RPL18: variants seen among roughly 807,000 people sequenced by gnomAD.
The protein encoded by RPL18 is ribosomal protein L18, also known as large ribosomal subunit protein eL18.
In RPL18, 4 loss-of-function variants were observed where a neutral mutation model predicts 25.0. The observed-to-expected ratio is 0.16, with a 90% CI of 0.08 to 0.37. RPL18 has a LOEUF of 0.37. Ranked by LOEUF, RPL18 falls within the 10% of genes least tolerant of loss-of-function variation. RPL18 has a pLI of 1.00. For synonymous variants in RPL18, 129 were observed against 101.6 expected, an observed-to-expected ratio of 1.27 and a Z score of -1.62; for missense variants, 179 against 267.9, an observed-to-expected ratio of 0.67 and a Z score of 2.32.
At chr19:48,615,735 C>T in intron 6 of RPL18, 142 bp downstream of exon 6, 1 of 756,390 alleles carries the variant, frequency 1.3e-6, no homozygotes, top group Non-Finnish European at 2.2e-6. Flanking sequence ...AAGGGAAAAG[C>T]AGGCAGGATG....
At position 48,616,801 on chromosome 19, in the gene RPL18, G is replaced by A. The variant is rs1601139429; in HGVS notation, c.222C>T (p.Gly74=). 1 of 1,613,662 alleles carries A rather than the reference G, an allele frequency of 6.2e-7. No individual in the cohort carries two copies. The change falls in exon 4 of 7, where the codon GGC becomes GGT. Residue 74 remains glycine (G), a synonymous_variant. Transcript: ENST00000549920. ...CAACCACGGCCGTCTTGTTTTCCCGGCCAGGAAGCTTCATCTTCCGGATCT... is the reference window on the plus strand; with the variant it reads ...CAACCACGGCCGTCTTGTTTTCCCGACCAGGAAGCTTCATCTTCCGGATCT... ...SRMIRKMKLP[G]RENKTAVVVG... is the part of the protein sequence containing the mutation.
At position 48,615,951 on chromosome 19, in the gene RPL18, G is replaced by A; in HGVS notation, c.422-5C>T. On this transcript the variant is annotated splice_region_variant and splice_polypyrimidine_tract_variant and intron_variant, in intron 5 of 6. Transcript: ENST00000549920. ...CCTCTCGGCCCTTGCGAGGACCTAG[G>A]GAAGGGGAAGGAGAACCGGGTGAGA... 2 of 1,614,080 alleles carry A rather than the reference G, an allele frequency of 1.2e-6. No homozygotes were observed. Among genetic ancestry groups the A allele is most frequent in the Non-Finnish European group, 1.7e-6 (2 of 1,179,970 alleles).
intron 4 of RPL18, 46 bp from the exon 5 acceptor site, chr19:48,616,248 C>G (rs770264798): frequency 6.2e-7 from 1 of 1,605,548 alleles, no homozygotes; most frequent in East Asian, 2.2e-5. Flanking sequence ...TGCGTGGTCA[C>G]CCAGGGGCTG....
chr19:48,619,102 G>A, intron 1 of RPL18, 39 bp downstream of exon 1: 3 of 1,593,466 alleles, frequency 1.9e-6, no homozygotes, highest in African/African-American at 2.7e-5. Flanking sequence ...GCGGATGGCA[G>A]CGGATTATCC....
At chr19:48,616,338 G>T in intron 4 of RPL18, 136 bp from the exon 5 acceptor site, 1 of 1,036,960 alleles carries the variant, frequency 9.6e-7, no homozygotes, top group Non-Finnish European at 1.4e-6. Flanking sequence ...AGCACCCTGG[G>T]CTGACAGCAG....
chr19:48,619,111 C>G, intron 1 of RPL18, 30 bp downstream of exon 1: 3 of 1,597,418 alleles, frequency 1.9e-6, no homozygotes. Context: ...AGCGGATTAT[C>G]CAGCCCCGAA....
Position 48,616,131 on chromosome 19 carries a change from G to T in RPL18, c.369C>A (p.Phe123Leu). The change falls in exon 5 of 7, where the codon TTC becomes TTA. Residue 123 changes from phenylalanine to leucine, a missense_variant. By Grantham distance (22) the Phe-to-Leu change is conservative. Transcript: ENST00000549920. ...TAGGGGAGTCCAGGGCCAGCTGGTC[G>T]AAAGTGAGGATCTTGCCCCCTGCCC... is the stretch of plus-strand genomic sequence containing the variant. ...ILRAGGKILT[F>L]DQLALDSPKG... 1 of 1,614,180 alleles carries T rather than the reference G, an allele frequency of 6.2e-7. No homozygotes were observed. Among genetic ancestry groups the T allele is most frequent in the South Asian group, 1.1e-5 (1 of 91,084 alleles).
At chr19:48,618,872 TC>T in intron 1 of RPL18, 2 of 534,492 alleles carry the variant, frequency 3.7e-6, no homozygotes, top group Middle Eastern at 9.8e-4. Context: ...GCCACCTGGG[TC>T]GGAATCCTGG....
rs760794035 is a variant in RPL18, at chr19:48,615,381, G to A, written c.558C>T (p.Tyr186=). 5 of 1,611,878 alleles carry A rather than the reference G, an allele frequency of 3.1e-6. No individual in the cohort carries two copies. The highest frequency in any genetic ancestry group is 2.5e-6 in the Non-Finnish European group (3 of 1,178,976). Residue 186 remains tyrosine (Y), a synonymous_variant, in exon 7 of 7, where the codon TAC becomes TAT. Transcript: ENST00000549920. ...AGAGTAGGATCCAGGGTTAGTTTTT[G>A]TAGCCTCGGCTGGCCCGTCGGCCTC... ...RARGRRASRG[Y]KN
At chr19:48,617,454 G>C (rs1328505257) in intron 2 of RPL18, 31 bp from the exon 3 acceptor site, 2 of 1,521,924 alleles carry the variant, frequency 1.3e-6, no homozygotes, top group African/African-American at 2.7e-5. Context: ...TGAGAAGCTG[G>C]GACAGCCTGC....
chr19:48,618,654 G>C (rs1237679083), intron 1 of RPL18: 2 of 195,974 alleles, frequency 1.0e-5, no homozygotes, highest in African/African-American at 4.7e-5. Context: ...CCAACGAACA[G>C]CCAGACACTG....
At chr19:48,616,269 C>T in intron 4 of RPL18, 67 bp from the exon 5 acceptor site, 2 of 1,590,652 alleles carry the variant, frequency 1.3e-6, no homozygotes, top group Non-Finnish European at 1.7e-6. Flanking sequence ...CCAGGACTCA[C>T]CCTCCACTGC....
chr19:48,615,988 C>G lies in RPL18; in HGVS notation c.422-42G>C, dbSNP rs369589141. On this transcript the variant is annotated intron_variant, in intron 5 of 6. Transcript: ENST00000549920. ...AGAACCGGGTGAGACAGGGATCTGG[C>G]GCCCAGCTTCTGGCCTCCCAGATCC... The G allele has an allele frequency of 2.8e-5, 45 of 1,613,000 alleles. No homozygotes were observed. The Admixed American group carries it at 6.7e-4, about 24-fold the overall frequency.
At chr19:48,615,618 C>T (rs914930846) in intron 6 of RPL18, 171 bp from the exon 7 acceptor site, 2 of 666,430 alleles carry the variant, frequency 3.0e-6, no homozygotes, top group Middle Eastern at 2.5e-4. Context: ...AAGCACCTGC[C>T]CCACCACCTG....
chr19:48,617,346 G>A lies in RPL18; in HGVS notation c.168C>T (p.Thr56=). 6.2e-7 allele frequency: 1 copy of A among 1,614,122 alleles called. No homozygotes were observed. The highest frequency in any genetic ancestry group is 2.2e-5 in the East Asian group (1 of 44,886). The part of the protein sequence containing the change: ...VVLKRLFMSR[T]NRPPLSLSRM... ...GGGAAAGGGACAGAGGCGGCCGGTTGGTGCGACTCATAAACAACCTCTTCA... is the reference window on the plus strand; with the variant it reads ...GGGAAAGGGACAGAGGCGGCCGGTTAGTGCGACTCATAAACAACCTCTTCA... The change falls in exon 3 of 7, where the codon ACC becomes ACT. Residue 56 remains threonine, a synonymous_variant. Coordinates refer to ENST00000549920, the MANE Select transcript of RPL18 (RefSeq NM_000979.4).
rs370317720 is a variant in RPL18, at chr19:48,617,433, C to A, written c.91-10G>T. 2 of 1,603,944 alleles carry A rather than the reference C, an allele frequency of 1.2e-6. No individual in the cohort carries two copies. The highest frequency in any genetic ancestry group is 1.7e-5 in the Admixed American group (1 of 59,972). On this transcript the variant is annotated splice_polypyrimidine_tract_variant and intron_variant, in intron 2 of 6. Transcript: ENST00000549920. The stretch of plus-strand genomic sequence containing the variant: ...CCAGAAACCTGTATAACTGGAGGGA[C>A]GGGAAGACAGTGAGAAGCTGGGACA...
chr19:48,615,371 G>A lies in RPL18; in HGVS notation c.*1C>T, dbSNP rs1442545398. On this transcript the variant is annotated 3_prime_UTR_variant, in exon 7 of 7. Coordinates refer to ENST00000549920, the MANE Select transcript of RPL18 (RefSeq NM_000979.4). ...TTTTAATAAGAGAGTAGGATCCAGG[G>A]TTAGTTTTTGTAGCCTCGGCTGGCC... is the stretch of plus-strand genomic sequence containing the variant. The A allele has an allele frequency of 5.6e-6, 9 of 1,609,728 alleles. No homozygotes were observed. The highest frequency in any genetic ancestry group is 3.3e-5 in the Admixed American group (2 of 59,818).
intron 1 of RPL18, chr19:48,618,098 C>G (rs1162275070): frequency 2.2e-6 from 1 of 456,436 alleles, no homozygotes; most frequent in Non-Finnish European, 4.0e-6. Flanking sequence ...CCTGAAACAT[C>G]GTAACACAGC....
chr19:48,616,312 A>G, intron 4 of RPL18, 110 bp from the exon 5 acceptor site: 1 of 1,391,850 alleles, frequency 7.2e-7, no homozygotes, highest in Non-Finnish European at 9.8e-7. Context: ...AACCAACACT[A>G]TCGTTTACTA....
Sources: allele counts gnomAD v4.1 joint callset, GRCh38; gene constraint gnomAD v4.1.1; transcripts MANE v1.5; gene names NCBI Gene and HGNC (gene_info 2026-07-23, HGNC 2026-07-21).